The following IRAG1 variants were observed in gnomAD, a reference collection of about 807,000 sequenced individuals.
The protein encoded by IRAG1 is inositol 1,4,5-triphosphate receptor associated 1, also known as IP3R-associated cGMP kinase substrate.
IRAG1 carries 62 observed loss-of-function variants against 106.2 expected under a neutral mutation model. The ratio of observed to expected loss-of-function variants is 0.58; its 90% CI spans 0.48 to 0.72. The LOEUF (loss-of-function observed/expected upper bound fraction) is 0.72, where lower values mean the gene tolerates loss of function less well. IRAG1 is among the 30% of genes least tolerant of loss of function. The pLI is 0.00. For missense variants in IRAG1, 1,064 were observed against 1,140.7 expected, an observed-to-expected ratio of 0.93 and a Z score of 0.97; for synonymous variants, 462 against 443.9, an observed-to-expected ratio of 1.04 and a Z score of -0.51.
chr11:10,660,727 C>T (rs1295140637), intron 1 of IRAG1, among the ~76,000 whole-genome samples: 2 of 152,276 alleles, frequency 1.3e-5, no homozygotes, highest in East Asian at 1.9e-4. Flanking sequence ...TCAACACATC[C>T]CTGACAGAGC....
chr11:10,687,755 C>T, intron 1 of IRAG1: 1 of 1,288,958 alleles, frequency 7.8e-7, no homozygotes. Context: ...AAACCCAGTG[C>T]AGAAGTCTTC....
At position 10,626,512 on chromosome 11, in the gene IRAG1, A is replaced by C. The variant is rs1373301539; in HGVS notation, c.822T>G (p.Pro274=). Residue 274 remains proline (P), a synonymous_variant, in exon 9 of 21, where the codon CCT becomes CCG. Coordinates refer to ENST00000423302, the MANE Select transcript of IRAG1 (RefSeq NM_130385.4). ...QRKVSQGRLA[P]RPPPVEKSKE... is the part of the protein sequence containing the mutation. Reference sequence around the variant, plus strand: ...TGGACTTCTCAACTGGAGGAGGACGAGGAGCCAGCCTGCCCTGAGACACTT... The same window carrying C: ...TGGACTTCTCAACTGGAGGAGGACGCGGAGCCAGCCTGCCCTGAGACACTT... 6 of 1,613,520 alleles carry C rather than the reference A, an allele frequency of 3.7e-6. No individual in the cohort carries two copies. Among genetic ancestry groups the C allele is most frequent in the Non-Finnish European group, 5.1e-6 (6 of 1,179,698 alleles).
Position 10,657,317 on chromosome 11 carries a change from A to T in IRAG1, c.68-5135T>A, listed in dbSNP as rs1441031906. Among the ~76,000 whole-genome samples the T allele has an allele frequency of 6.6e-6, 1 of 152,108 alleles. No individual in the cohort carries two copies. Among genetic ancestry groups the T allele is most frequent in the Non-Finnish European group, 1.5e-5 (1 of 68,000 alleles). ...AATGGCAGTGCTGGGAATTCACCGA[A>T]TCTGGGTCTGATGCTCCCCTTCCTT... On this transcript the variant is annotated intron_variant, in intron 1 of 20. Transcript: ENST00000423302. The surrounding 1 kb of genome is among the most constrained non-coding windows in gnomAD (Gnocchi z 4.1).
At chr11:10,632,204 T>G in intron 3 of IRAG1, 143 bp from the exon 4 acceptor site, 1 of 626,340 alleles carries the variant, frequency 1.6e-6, no homozygotes, top group Non-Finnish European at 2.7e-6. Flanking sequence ...TTTTTTTTTT[T>G]TGACTCAGTT....
Position 10,652,177 on chromosome 11 carries a change from C to CCCAGCTCCA in IRAG1, c.72_73insTGGAGCTGG (p.Cys24_Gly25insTrpSerTrp), listed in dbSNP as rs754117010. The CCCAGCTCCA allele has an allele frequency of 5.6e-5, 91 of 1,613,726 alleles. No individual in the cohort carries two copies. The highest frequency in any genetic ancestry group is 7.6e-5 in the Non-Finnish European group (90 of 1,179,846). On this transcript the variant is annotated inframe_insertion, in exon 2 of 21. Coordinates refer to ENST00000423302, the MANE Select transcript of IRAG1 (RefSeq NM_130385.4). ...AAGATGCTCCAAGAGGCCTGGGCTC[C>CCCAGCTCCA]ACAGGCTGGGGAGATGCCAAAAGGA...
At chr11:10,613,221 A>G (rs1183806950) in intron 10 of IRAG1, among the ~76,000 whole-genome samples, 2 of 151,852 alleles carry the variant, frequency 1.3e-5, no homozygotes, top group South Asian at 2.1e-4. Context: ...TCAGGTTGAC[A>G]GACCGCATCA....
chr11:10,634,216 CT>C (rs1267144025), intron 2 of IRAG1, 145 bp from the exon 3 acceptor site: 3 of 491,950 alleles, frequency 6.1e-6, no homozygotes, highest in Non-Finnish European at 1.1e-5. Flanking sequence ...ATTCCCCCAG[CT>C]TTATTGAGGT....
intron 1 of IRAG1, among the ~76,000 whole-genome samples, chr11:10,661,191 G>T (rs1859370762): frequency 6.6e-6 from 1 of 152,160 alleles, no homozygotes; most frequent in African/African-American, 2.4e-5. Context: ...TGGACCAAAA[G>T]CCAACCTCCA....
intron 19 of IRAG1, among the ~76,000 whole-genome samples, chr11:10,581,183 G>C (rs1467607608): frequency 6.6e-6 from 1 of 152,106 alleles, no homozygotes; most frequent in Non-Finnish European, 1.5e-5. Flanking sequence ...CTGTTCACTT[G>C]TCCTATGCTG....
chr11:10,653,459 G>A (rs1419105107), intron 1 of IRAG1, among the ~76,000 whole-genome samples: 2 of 152,166 alleles, frequency 1.3e-5, no homozygotes, highest in Non-Finnish European at 2.9e-5. Flanking sequence ...GTATGATCCT[G>A]CCAACAGACC....
intron 1 of IRAG1, among the ~76,000 whole-genome samples, chr11:10,684,587 C>T (rs1437079714): frequency 3.5e-5 from 5 of 144,806 alleles, no homozygotes; most frequent in South Asian, 2.2e-4. Context: ...TACACATGTA[C>T]CCTAAAACTT....
intron 18 of IRAG1, among the ~76,000 whole-genome samples, chr11:10,590,314 G>A (rs891146154): frequency 1.1e-4 from 17 of 152,270 alleles, no homozygotes; most frequent in African/African-American, 2.2e-4. Flanking sequence ...TCTATAACAC[G>A]AAGGACCTGT....
Position 10,665,670 on chromosome 11 carries a change from A to G in IRAG1, c.68-13488T>C, listed in dbSNP as rs1332814949. ...GCCCTGTGCTTGGAACCCCAGCACC[A>G]GAGTTTAGGGTGGAGACTCCCATGT... On this transcript the variant is annotated intron_variant, in intron 1 of 20. Transcript: ENST00000423302. The surrounding 1 kb of genome is among the most constrained non-coding windows in gnomAD (Gnocchi z 4.2). 1.3e-5 allele frequency among the ~76,000 whole-genome samples: 2 copies of G among 152,168 alleles called. No individual in the cohort carries two copies. The highest frequency in any genetic ancestry group is 6.5e-5 in the Admixed American group (1 of 15,274).
At chr11:10,649,609 G>A (rs1329453688) in intron 2 of IRAG1, among the ~76,000 whole-genome samples, 1 of 152,170 alleles carries the variant, frequency 6.6e-6, no homozygotes, top group Non-Finnish European at 1.5e-5. Context: ...CTCCCTGATA[G>A]GACCTGGGCT....
chr11:10,651,086 C>T (rs1858455815), intron 2 of IRAG1, among the ~76,000 whole-genome samples: 1 of 152,196 alleles, frequency 6.6e-6, no homozygotes, highest in Non-Finnish European at 1.5e-5. Context: ...TCCGATATAA[C>T]AGGACAATAC....
chr11:10,674,504 C>T (rs866851306), intron 1 of IRAG1, among the ~76,000 whole-genome samples: 4 of 152,174 alleles, frequency 2.6e-5, no homozygotes, highest in Non-Finnish European at 5.9e-5. Context: ...TCCCCCTCAT[C>T]GGGAGGGACT....
In IRAG1 at chr11:10,680,431, GGGAA is replaced by G. The variant is rs1861136751; in HGVS notation, c.67+13101_67+13104del. Among the ~76,000 whole-genome samples, 13 of 105,440 alleles carry G rather than the reference GGGAA, an allele frequency of 1.2e-4. No homozygotes were observed. The South Asian group carries it at 4.1e-3, about 33-fold the overall frequency. 69.2% of individuals were successfully genotyped at this position (105,440 alleles called of 152,430 possible). On this transcript the variant is annotated intron_variant, in intron 1 of 20. Coordinates refer to ENST00000423302, the MANE Select transcript of IRAG1 (RefSeq NM_130385.4). ...AAAGAAAGGGAAAGAAAGAAAGAGA[GGGAA>G]GGAAGGAAAGAAAGGGAAAGAGAAA...
chr11:10,573,568 C>T lies in IRAG1; in HGVS notation c.*2764G>A, dbSNP rs114339939. ...CCCTGTATATATGGCTATTCTTATG[C>T]TCCCTTTTGGAGATGTCCTTTTCCT... On this transcript the variant is annotated 3_prime_UTR_variant, in exon 21 of 21. Transcript: ENST00000423302. 706 of 152,332 alleles carry T rather than the reference C, an allele frequency of 4.6e-3. 4 individuals carry two copies. Among genetic ancestry groups the T allele is most frequent in the African/African-American group, 0.016 (666 of 41,550 alleles). 9.4% of individuals were successfully genotyped at this position (152,332 alleles called of 1,614,324 possible).
chr11:10,675,570 G>T (rs968806248), intron 1 of IRAG1, among the ~76,000 whole-genome samples: 2 of 152,184 alleles, frequency 1.3e-5, no homozygotes, highest in Non-Finnish European at 2.9e-5. Context: ...CCTCTGGTCT[G>T]CTGCTGATGC....
Sources: allele counts gnomAD v4.1 joint callset (sites outside exome capture counted in the v4.1 genomes callset), GRCh38; gene constraint gnomAD v4.1.1; non-coding constraint Gnocchi (gnomAD v3.1); transcripts MANE v1.5; gene names NCBI Gene and HGNC (gene_info 2026-07-23, HGNC 2026-07-21).